The following MCUB variants were observed in gnomAD, a reference collection of about 807,000 sequenced individuals.
MCUB encodes the protein mitochondrial calcium uniporter dominant negative subunit beta.
In MCUB, 46 loss-of-function variants were observed where a neutral mutation model predicts 41.4. The ratio of observed to expected loss-of-function variants is 1.11; its 90% CI spans 0.88 to 1.42. The LOEUF is 1.42. Ranked by LOEUF, MCUB falls within the 40% of genes most tolerant of loss-of-function variation. The probability of loss-of-function intolerance (pLI) is 0.00; values close to 1 mark genes in which losing one functional copy is unlikely to be tolerated. For missense variants in MCUB, 403 were observed against 404.9 expected (o/e 1.00, Z 0.04); for synonymous variants, 148 against 148.2 (o/e 1.00, Z 0.01).
chr4:109,595,984 T>TAGCCCC (rs1727547491), intron 1 of MCUB, among the ~76,000 whole-genome samples: 1 of 139,980 alleles, frequency 7.1e-6, no homozygotes, highest in Non-Finnish European at 1.5e-5. Context: ...TTAGCATGCC[T>TAGCCCC]AGCCCCAGCC....
intron 1 of MCUB, among the ~76,000 whole-genome samples, chr4:109,620,381 A>C (rs1392964109): frequency 6.6e-6 from 1 of 151,440 alleles, no homozygotes; most frequent in African/African-American, 2.4e-5. Flanking sequence ...AATTATAATA[A>C]ATTATTGTAT....
At chr4:109,682,495 T>C in intron 4 of MCUB, 87 bp from the exon 5 acceptor site, 1 of 1,064,412 alleles carries the variant, frequency 9.4e-7, no homozygotes, top group South Asian at 1.6e-5. Context: ...AAGATAATAT[T>C]TGGAAAGAGA....
At chr4:109,615,948 ATCACCTGTGCACCATCATGT>A (rs1313664352) in intron 1 of MCUB, among the ~76,000 whole-genome samples, 2 of 152,204 alleles carry the variant, frequency 1.3e-5, no homozygotes, top group East Asian at 3.9e-4. Context: ...GACAGGTGTC[ATCACCTGTGCACCATCATGT>A]TCATTTTGGA....
intron 1 of MCUB, among the ~76,000 whole-genome samples, chr4:109,563,732 G>A (rs764804545): frequency 7.2e-5 from 11 of 152,168 alleles, no homozygotes; most frequent in Non-Finnish European, 2.9e-5. Flanking sequence ...TCTAAGCTAG[G>A]AAATCATTTG....
intron 1 of MCUB, among the ~76,000 whole-genome samples, chr4:109,645,433 A>G (rs1249165729): frequency 2.0e-5 from 3 of 149,376 alleles, no homozygotes; most frequent in South Asian, 4.2e-4. Flanking sequence ...ATCTAAATCT[A>G]TTCCAATCTT....
intron 1 of MCUB, among the ~76,000 whole-genome samples, chr4:109,578,514 A>G (rs1204580552): frequency 6.6e-6 from 1 of 150,420 alleles, no homozygotes; most frequent in Non-Finnish European, 1.5e-5. Context: ...TTTGAAACAG[A>G]TTTACTCTGT....
chr4:109,565,764 C>T (rs1288347786), intron 1 of MCUB, among the ~76,000 whole-genome samples: 1 of 151,348 alleles, frequency 6.6e-6, no homozygotes, highest in Non-Finnish European at 1.5e-5. Context: ...ACACTGGTAA[C>T]AGAATGAAGC....
intron 1 of MCUB, among the ~76,000 whole-genome samples, chr4:109,653,954 G>A (rs28462209): frequency 0.09 from 13,622 of 152,004 alleles, 676 homozygotes; most frequent in Middle Eastern, 0.11. Flanking sequence ...ACTCATTTTT[G>A]TTTTATTTCT....
chr4:109,664,411 T>A lies in MCUB; in HGVS notation c.451+17T>A. 1.1e-6 allele frequency: 1 copy of A among 936,456 alleles called. No homozygotes were observed. Among genetic ancestry groups the A allele is most frequent in the Non-Finnish European group, 1.7e-6 (1 of 603,562 alleles). 58.0% of individuals were successfully genotyped at this position (936,456 alleles called of 1,614,324 possible). On this transcript the variant is annotated intron_variant, in intron 4 of 7. Coordinates refer to ENST00000394650, the MANE Select transcript of MCUB (RefSeq NM_017918.5). ...CAAAGAGAGGTAAGAAACACAGCTATCCAACTATTACTTTTTTTTTTTTTT... is the reference window on the plus strand; with the variant it reads ...CAAAGAGAGGTAAGAAACACAGCTAACCAACTATTACTTTTTTTTTTTTTT...
intron 1 of MCUB, among the ~76,000 whole-genome samples, chr4:109,598,610 G>GGGGAGACGGGAGAGGGAGA (rs1727646197): frequency 6.6e-6 from 1 of 151,496 alleles, no homozygotes; most frequent in African/African-American, 2.4e-5. Context: ...GGGAGACGGT[G>GGGGAGACGGGAGAGGGAGA]GGGAGACGGG....
At chr4:109,644,997 G>A (rs1728801999) in intron 1 of MCUB, among the ~76,000 whole-genome samples, 3 of 151,912 alleles carry the variant, frequency 2.0e-5, no homozygotes, top group Admixed American at 2.0e-4. Flanking sequence ...CACACACTTC[G>A]GCATTCCTGG....
chr4:109,560,724 T>G (rs1169742696), intron 1 of MCUB, among the ~76,000 whole-genome samples: 1 of 151,884 alleles, frequency 6.6e-6, no homozygotes, highest in Non-Finnish European at 1.5e-5. Flanking sequence ...CCACCAGACT[T>G]CGGCCTGGGA....
chr4:109,617,483 G>T (rs1728157916), intron 1 of MCUB, among the ~76,000 whole-genome samples: 1 of 152,136 alleles, frequency 6.6e-6, no homozygotes, highest in Admixed American at 6.5e-5. Flanking sequence ...TGTAAAGGTG[G>T]CTTAGAAGTG....
intron 4 of MCUB, among the ~76,000 whole-genome samples, chr4:109,669,177 A>G (rs900707598): frequency 3.3e-5 from 5 of 152,114 alleles, no homozygotes; most frequent in Non-Finnish European, 7.4e-5. Context: ...CTTTTCTCTG[A>G]AGAACTTCTT....
intron 1 of MCUB, among the ~76,000 whole-genome samples, chr4:109,641,000 G>A (rs1437191837): frequency 1.3e-5 from 2 of 152,142 alleles, no homozygotes; most frequent in East Asian, 3.9e-4. Context: ...AGGGACCATT[G>A]TAGTCTTATT....
At chr4:109,682,139 T>G (rs1729731707) in intron 4 of MCUB, among the ~76,000 whole-genome samples, 1 of 152,236 alleles carries the variant, frequency 6.6e-6, no homozygotes, top group South Asian at 2.1e-4. Flanking sequence ...CCTTCCCAGC[T>G]AGGCTTAGGG....
At chr4:109,631,773 G>A (rs1479666558) in intron 1 of MCUB, among the ~76,000 whole-genome samples, 4 of 152,178 alleles carry the variant, frequency 2.6e-5, no homozygotes, top group Non-Finnish European at 5.9e-5. Flanking sequence ...TGTCCTTCCA[G>A]TTCTGTTTCA....
chr4:109,591,451 C>A (rs183135174), intron 1 of MCUB, among the ~76,000 whole-genome samples: 1 of 151,918 alleles, frequency 6.6e-6, no homozygotes, highest in South Asian at 2.1e-4. Flanking sequence ...CTCCCAAAGT[C>A]CTGGGATTAC....
intron 4 of MCUB, chr4:109,673,805 G>C: frequency 1.5e-6 from 1 of 660,422 alleles, no homozygotes; most frequent in Admixed American, 2.4e-5. Flanking sequence ...GCGGGTGAGA[G>C]GTTTTTTCGC....
Sources: allele counts gnomAD v4.1 joint callset (sites outside exome capture counted in the v4.1 genomes callset), GRCh38; gene constraint gnomAD v4.1.1; transcripts MANE v1.5; gene names NCBI Gene and HGNC (gene_info 2026-07-23, HGNC 2026-07-21).